LIMK1: variants seen among roughly 807,000 people sequenced by gnomAD.
LIMK1 encodes the protein LIM domain kinase 1, also known as LIM motif-containing protein kinase.
A neutral mutation model predicts 77.6 loss-of-function variants in LIMK1; 21 were observed. The ratio of observed to expected loss-of-function variants is 0.27; its 90% CI spans 0.19 to 0.39. The LOEUF is 0.39. Ranked by LOEUF, LIMK1 falls within the 10% of genes least tolerant of loss-of-function variation. The pLI is 1.00. For synonymous variants in LIMK1, 358 were observed against 370.0 expected, an observed-to-expected ratio of 0.97 and a Z score of 0.37; for missense variants, 696 against 901.6, an observed-to-expected ratio of 0.77 and a Z score of 2.92.
At chr7:74,117,232 G>GGA (rs1554699690) in intron 13 of LIMK1, among the ~76,000 whole-genome samples, 2 of 152,048 alleles carry the variant, frequency 1.3e-5, no homozygotes, top group African/African-American at 4.8e-5. Context: ...TGCCCAGGCT[G>GGA]GTCTCAAACT....
At chr7:74,109,271 G>T in intron 10 of LIMK1, 1 of 473,752 alleles carries the variant, frequency 2.1e-6, no homozygotes. Flanking sequence ...AAGGCAAGAG[G>T]ATCACTCGAG....
At position 74,106,315 on chromosome 7, in the gene LIMK1, G is replaced by C. The variant is rs373589311; in HGVS notation, c.881+72G>C. The C allele has an allele frequency of 5.3e-6, 8 of 1,515,284 alleles. No individual in the cohort carries two copies. In the African/African-American group the frequency reaches 9.7e-5, roughly 18 times the overall value. The allele number at this position is 1,515,284 out of a possible 1,614,324, so 93.9% of individuals were successfully genotyped here. ...TGGGGCTCAGGGGCTGTGGGACCTA[G>C]GTCGGGGAGCCAGCCCTGCACAAAT... On this transcript the variant is annotated intron_variant, in intron 7 of 15. Transcript: ENST00000336180.
intron 12 of LIMK1, 112 bp from the exon 13 acceptor site, chr7:74,115,690 A>C: frequency 1.7e-6 from 2 of 1,173,632 alleles, no homozygotes; most frequent in Non-Finnish European, 2.4e-6. Flanking sequence ...ACAGCGTATC[A>C]GAGGTATGTT....
Position 74,121,055 on chromosome 7 carries a change from T to C in LIMK1, c.1781+6T>C. ...GATCTGGACCCCGAGAAGAGGTGAG[T>C]GGGGTGGGGCCCTGGCCTGGGAGAC... is the stretch of plus-strand genomic sequence containing the variant. On this transcript the variant is annotated splice_donor_region_variant and intron_variant, in intron 15 of 15. Coordinates refer to ENST00000336180, the MANE Select transcript of LIMK1 (RefSeq NM_002314.4). 6.3e-7 allele frequency: 1 copy of C among 1,590,380 alleles called. No individual in the cohort carries two copies. The highest frequency in any genetic ancestry group is 8.6e-7 in the Non-Finnish European group (1 of 1,167,248).
chr7:74,108,000 G>C (rs1554697947), intron 9 of LIMK1, 43 bp downstream of exon 9: 1 of 1,409,500 alleles, frequency 7.1e-7, no homozygotes, highest in East Asian at 2.5e-5. Context: ...GGGACTTCCA[G>C]GTGCTCACCC....
chr7:74,101,801 C>CATAT lies in LIMK1; in HGVS notation c.608+2583_608+2586dup, dbSNP rs10552134. ...TTCTAAGGAATTTACATATGTATGTCATATATATATATATATATATATAGA... is the reference window on the plus strand; with the variant it reads ...TTCTAAGGAATTTACATATGTATGTCATATATATATATATATATATATATATAGA... On this transcript the variant is annotated intron_variant, in intron 5 of 15. Transcript: ENST00000336180. Among the ~76,000 whole-genome samples the CATAT allele has an allele frequency of 8.2e-5, 12 of 146,198 alleles. No individual in the cohort carries two copies. The East Asian group carries it at 1.2e-3, about 15-fold the overall frequency.
intron 5 of LIMK1, among the ~76,000 whole-genome samples, chr7:74,099,596 A>AC (rs1799413904): frequency 6.6e-6 from 1 of 151,556 alleles, no homozygotes; most frequent in Non-Finnish European, 1.5e-5. Context: ...CAGGCATGGT[A>AC]GTGTGTGCCT....
intron 4 of LIMK1, 95 bp downstream of exon 4, chr7:74,097,284 T>G: frequency 1.4e-6 from 1 of 690,664 alleles, no homozygotes; most frequent in Non-Finnish European, 2.4e-6. Flanking sequence ...CTCCTGCCCT[T>G]TCCCATGGGG....
At chr7:74,087,261 G>A (rs146249384) in intron 2 of LIMK1, among the ~76,000 whole-genome samples, 17 of 152,168 alleles carry the variant, frequency 1.1e-4, no homozygotes, top group East Asian at 3.9e-4. Flanking sequence ...AAAATTAGCC[G>A]GGCGTGGTGG....
rs868909835 is a variant in LIMK1, at chr7:74,099,174, A to G, written c.544A>G (p.Ile182Val). ...TGGCAAGCGTGGACTTTCAGTCTCCATTGACCCCCCGCACGGCCCACCGGG... is the reference window on the plus strand; with the variant it reads ...TGGCAAGCGTGGACTTTCAGTCTCCGTTGACCCCCCGCACGGCCCACCGGG... ...SHGKRGLSVS[I>V]DPPHGPPGCG... Residue 182 changes from isoleucine to valine, a missense_variant, in exon 5 of 16, where the codon ATT becomes GTT. This residue lies in a region of LIMK1 where 252 missense variants were observed against 279.4 expected (regional missense o/e 0.90). Transcript: ENST00000336180. The G allele has an allele frequency of 3.7e-6, 6 of 1,612,618 alleles. No individual in the cohort carries two copies. Among genetic ancestry groups the G allele is most frequent in the African/African-American group, 1.3e-5 (1 of 74,850 alleles).
intron 4 of LIMK1, among the ~76,000 whole-genome samples, chr7:74,097,639 G>C (rs1377425170): frequency 1.3e-5 from 2 of 152,204 alleles, no homozygotes; most frequent in African/African-American, 4.8e-5. Flanking sequence ...TTGCACCACT[G>C]CCCTCCAGCC....
chr7:74,111,829 G>A (rs934923471), intron 11 of LIMK1, 104 bp from the exon 12 acceptor site: 54 of 1,433,250 alleles, frequency 3.8e-5, no homozygotes, highest in Non-Finnish European at 4.6e-5. Flanking sequence ...GAATCGTCCC[G>A]ACTGGCCTGA....
intron 12 of LIMK1, among the ~76,000 whole-genome samples, chr7:74,112,767 G>A (rs1799728145): frequency 6.6e-6 from 1 of 151,982 alleles, no homozygotes; most frequent in South Asian, 2.1e-4. Context: ...GGAACTTGCA[G>A]TGAGCCAAGA....
Position 74,121,033 on chromosome 7 carries a change from C to T in LIMK1, c.1765C>T (p.Leu589=), listed in dbSNP as rs578103189. 22 of 1,599,058 alleles carry T rather than the reference C, an allele frequency of 1.4e-5. No individual in the cohort carries two copies. Among genetic ancestry groups the T allele is most frequent in the Admixed American group, 1.7e-5 (1 of 58,700 alleles). The part of the protein sequence containing the change: ...FFPITVRCCD[L]DPEKRPSFVK... Reference sequence around the variant, plus strand: ...CCCCATCACCGTGCGCTGTTGCGATCTGGACCCCGAGAAGAGGTGAGTGGG... The same window carrying T: ...CCCCATCACCGTGCGCTGTTGCGATTTGGACCCCGAGAAGAGGTGAGTGGG... The change falls in exon 15 of 16, where the codon CTG becomes TTG. Residue 589 remains leucine (L), a synonymous_variant. Coordinates refer to ENST00000336180, the MANE Select transcript of LIMK1 (RefSeq NM_002314.4).
At chr7:74,105,471 C>T (rs1416761869) in intron 5 of LIMK1, among the ~76,000 whole-genome samples, 2 of 150,644 alleles carry the variant, frequency 1.3e-5, no homozygotes, top group African/African-American at 2.4e-5. Flanking sequence ...TGAGATTGTG[C>T]CATTGCACTC....
rs183374154 is a variant in LIMK1, at chr7:74,111,515, C to T, written c.1285-133C>T. The T allele has an allele frequency of 1.0e-4, 72 of 705,878 alleles. No homozygotes were observed. The East Asian group carries it at 1.6e-3, about 15-fold the overall frequency. 43.7% of individuals were successfully genotyped at this position (705,878 alleles called of 1,614,324 possible). The stretch of plus-strand genomic sequence containing the variant: ...TTAGAAGCAGACAGTTGTGGGTGCC[C>T]GAAGAAATCGGGGTGTTGGGGAGCC... On this transcript the variant is annotated intron_variant, in intron 10 of 15. Transcript: ENST00000336180.
intron 2 of LIMK1, among the ~76,000 whole-genome samples, chr7:74,093,696 T>C (rs1799281325): frequency 6.6e-6 from 1 of 152,074 alleles, no homozygotes; most frequent in East Asian, 1.9e-4. Context: ...CCTACCCTGC[T>C]CTCAGGGAGG....
rs545859286 is a variant in LIMK1, at chr7:74,105,339, G to A, written c.609-536G>A. Among the ~76,000 whole-genome samples the A allele has an allele frequency of 2.6e-5, 4 of 152,058 alleles. No homozygotes were observed. The South Asian group carries it at 6.2e-4, about 24-fold the overall frequency. On this transcript the variant is annotated intron_variant, in intron 5 of 15. Transcript: ENST00000336180. ...AGCCTGGGAAATGTGGTGTAACCCC[G>A]TCTCTACTAAAAATACAAAAAAAAT...
At chr7:74,106,768 A>T (rs1193840141) in intron 7 of LIMK1, among the ~76,000 whole-genome samples, 1 of 152,162 alleles carries the variant, frequency 6.6e-6, no homozygotes, top group Non-Finnish European at 1.5e-5. Context: ...TCAAAAAAAA[A>T]GAGGATGACA....
Sources: allele counts gnomAD v4.1 joint callset (sites outside exome capture counted in the v4.1 genomes callset), GRCh38; gene constraint gnomAD v4.1.1; regional missense constraint gnomAD v4.1.1; transcripts MANE v1.5; gene names NCBI Gene and HGNC (gene_info 2026-07-23, HGNC 2026-07-21).